XPO6: variants seen among roughly 807,000 people sequenced by gnomAD.
XPO6 encodes exportin-6.
XPO6 carries 3 observed loss-of-function variants against 130.0 expected under a neutral mutation model. The ratio of observed to expected loss-of-function variants is 0.02; its 90% CI spans 0.01 to 0.06. The LOEUF (loss-of-function observed/expected upper bound fraction) is 0.06. Ranked by LOEUF, XPO6 falls within the 10% of genes least tolerant of loss-of-function variation. The pLI is 1.00. For missense variants in XPO6, 970 were observed against 1,393.0 expected, an observed-to-expected ratio of 0.70 and a Z score of 4.83; for synonymous variants, 524 against 548.9, an observed-to-expected ratio of 0.95 and a Z score of 0.63.
At chr16:28,103,396 T>A (rs1007572555) in intron 21 of XPO6, among the ~76,000 whole-genome samples, 1 of 152,240 alleles carries the variant, frequency 6.6e-6, no homozygotes, top group Non-Finnish European at 1.5e-5. Flanking sequence ...AGCTGCTGGA[T>A]ACTCAAAGTG....
At chr16:28,169,698 T>G in intron 5 of XPO6, 52 bp downstream of exon 5, 2 of 1,600,172 alleles carry the variant, frequency 1.2e-6, no homozygotes, top group Non-Finnish European at 1.7e-6. Flanking sequence ...AGGCCTGAAC[T>G]CTGGGTGCCT....
intron 1 of XPO6, among the ~76,000 whole-genome samples, chr16:28,199,713 C>T (rs577885309): frequency 1.8e-4 from 27 of 152,120 alleles, no homozygotes; most frequent in African/African-American, 4.8e-4. Flanking sequence ...ATTACAGGCA[C>T]CCACCACCAC....
intron 14 of XPO6, among the ~76,000 whole-genome samples, chr16:28,119,522 G>C (rs928603941): frequency 6.6e-6 from 1 of 152,022 alleles, no homozygotes; most frequent in African/African-American, 2.4e-5. Context: ...TTAAGATCTG[G>C]ATCTGCAAAA....
In XPO6 at chr16:28,132,400, G is replaced by A. The variant is rs1325206675; in HGVS notation, c.1540C>T (p.Pro514Ser). The A allele has an allele frequency of 6.3e-7, 1 of 1,598,362 alleles. No individual in the cohort carries two copies. The change falls in exon 12 of 24, where the codon CCT becomes TCT. Residue 514 changes from proline to serine, a missense_variant. Around this residue, in one of 4 missense-constraint regions of XPO6, gnomAD observed 936 missense variants for 1,306.8 expected, o/e 0.72. Coordinates refer to ENST00000304658, the MANE Select transcript of XPO6 (RefSeq NM_015171.4). The surrounding 1 kb of genome is among the most constrained non-coding windows in gnomAD (Gnocchi z 4.0). ...ACTTCTAAATTGTCCTGAAGAACAGGGAACTGAAAACAAAGAAACAAAAAC... is the reference window on the plus strand; with the variant it reads ...ACTTCTAAATTGTCCTGAAGAACAGAGAACTGAAAACAAAGAAACAAAAAC... ...LPTHAFSTLFPVLQDNLEVYL... is the reference protein window; with the variant it reads ...LPTHAFSTLFSVLQDNLEVYL...
chr16:28,104,726 G>A lies in XPO6; in HGVS notation c.2785-19C>T, dbSNP rs757009793. On this transcript the variant is annotated intron_variant, in intron 20 of 23. Coordinates refer to ENST00000304658, the MANE Select transcript of XPO6 (RefSeq NM_015171.4). The stretch of plus-strand genomic sequence containing the variant: ...AGGGACGCTGCAAAGACACACAGAC[G>A]CTCAGACCTGCAGCTTGCGGAGCTG... The A allele has an allele frequency of 3.0e-5, 48 of 1,612,730 alleles. No homozygotes were observed. Among genetic ancestry groups the A allele is most frequent in the East Asian group, 2.2e-4 (10 of 44,874 alleles).
chr16:28,124,433 C>G (rs1340973986), intron 13 of XPO6, among the ~76,000 whole-genome samples: 2 of 152,118 alleles, frequency 1.3e-5, no homozygotes, highest in African/African-American at 4.8e-5. Flanking sequence ...GGATTTCAGA[C>G]AGAAAAACAT....
At chr16:28,135,551 CTGT>C (rs2042759247) in intron 9 of XPO6, among the ~76,000 whole-genome samples, 1 of 151,976 alleles carries the variant, frequency 6.6e-6, no homozygotes, top group African/African-American at 2.4e-5. Context: ...TCCTGACAGA[CTGT>C]TTATATAACA....
At chr16:28,127,356 A>G (rs997269887) in intron 12 of XPO6, among the ~76,000 whole-genome samples, 2 of 152,162 alleles carry the variant, frequency 1.3e-5, no homozygotes, top group Non-Finnish European at 2.9e-5. Flanking sequence ...ACCCGTGCCC[A>G]TAAGGAGATA....
At chr16:28,201,552 A>C (rs969134947) in intron 1 of XPO6, among the ~76,000 whole-genome samples, 1 of 152,118 alleles carries the variant, frequency 6.6e-6, no homozygotes, top group South Asian at 2.1e-4. Context: ...ACTGTCTGAC[A>C]CTCACTGTAA....
At chr16:28,130,328 G>A (rs913973474) in intron 12 of XPO6, among the ~76,000 whole-genome samples, 19 of 152,204 alleles carry the variant, frequency 1.2e-4, no homozygotes, top group Admixed American at 2.0e-4. Context: ...ACTAAAGGCT[G>A]GGCTAGAAAG....
At chr16:28,203,612 A>G (rs530760611) in intron 1 of XPO6, among the ~76,000 whole-genome samples, 145 of 152,298 alleles carry the variant, frequency 9.5e-4, no homozygotes, top group South Asian at 1.9e-3. Context: ...ATCAGTTTAC[A>G]TGTTATCGCT....
At chr16:28,102,473 C>T (rs2086673589) in intron 21 of XPO6, among the ~76,000 whole-genome samples, 1 of 152,346 alleles carries the variant, frequency 6.6e-6, no homozygotes, top group Middle Eastern at 3.4e-3. Flanking sequence ...CACAGAAGCT[C>T]AGTCCTGTAA....
chr16:28,151,704 T>C (rs1438297430), intron 8 of XPO6, among the ~76,000 whole-genome samples: 2 of 152,188 alleles, frequency 1.3e-5, no homozygotes, highest in Non-Finnish European at 2.9e-5. Context: ...CTTTTCTGTA[T>C]GTGTGTCATA....
Position 28,156,351 on chromosome 16 carries a change from T to C in XPO6, c.820A>G (p.Ile274Val), listed in dbSNP as rs1327332306. The C allele has an allele frequency of 6.2e-7, 1 of 1,613,766 alleles. No individual in the cohort carries two copies. The highest frequency in any genetic ancestry group is 1.3e-5 in the African/African-American group (1 of 74,872). ...ASITPSLLTT[I>V]FHFARFGCDI... is the part of the protein sequence containing the mutation. ...CAGCCAAATCGTGCAAAGTGGAAGATGGTGGTAAGGAGGGATGGGGTGATG... is the reference window on the plus strand; with the variant it reads ...CAGCCAAATCGTGCAAAGTGGAAGACGGTGGTAAGGAGGGATGGGGTGATG... The change falls in exon 7 of 24, where the codon ATC becomes GTC. Residue 274 changes from isoleucine (I) to valine (V), a missense_variant. Physicochemically the swap from Ile to Val is conservative, Grantham distance 29 (BLOSUM62 3). This residue lies in a region of XPO6 where 936 missense variants were observed against 1,306.8 expected (regional missense o/e 0.72). Coordinates refer to ENST00000304658, the MANE Select transcript of XPO6 (RefSeq NM_015171.4).
At chr16:28,178,844 G>GT (rs1182143289) in intron 2 of XPO6, among the ~76,000 whole-genome samples, 1 of 152,002 alleles carries the variant, frequency 6.6e-6, no homozygotes, top group Non-Finnish European at 1.5e-5. Flanking sequence ...CAAGGCGGGT[G>GT]TATCACGAGG....
rs1284756132 is a variant in XPO6, at chr16:28,132,178, C to T, written c.1606+156G>A. 6.6e-6 allele frequency among the ~76,000 whole-genome samples: 1 copy of T among 152,192 alleles called. No homozygotes were observed. The highest frequency in any genetic ancestry group is 1.5e-5 in the Non-Finnish European group (1 of 68,028). ...TCCCCCACAGCTTTTCATCATAAGC[C>T]TTTAAAAACGTTCCCTGTTTCGAAG... On this transcript the variant is annotated intron_variant, in intron 12 of 23. Coordinates refer to ENST00000304658, the MANE Select transcript of XPO6 (RefSeq NM_015171.4). The surrounding 1 kb of genome is among the most constrained non-coding windows in gnomAD (Gnocchi z 4.0).
intron 1 of XPO6, among the ~76,000 whole-genome samples, chr16:28,189,724 T>C (rs1282319689): frequency 6.6e-6 from 1 of 152,220 alleles, no homozygotes; most frequent in Non-Finnish European, 1.5e-5. Flanking sequence ...GAAAGGCTTC[T>C]TGTTTTCTTG....
intron 7 of XPO6, chr16:28,154,255 TAAAAAAAAAAA>T (rs11284457): frequency 3.4e-5 from 28 of 811,900 alleles, no homozygotes; most frequent in African/African-American, 3.2e-4. Flanking sequence ...ACTACCCATT[TAAAAAAAAAAA>T]AAAAAAAAAA....
At chr16:28,193,695 T>C (rs1567647933) in intron 1 of XPO6, among the ~76,000 whole-genome samples, 1 of 152,106 alleles carries the variant, frequency 6.6e-6, no homozygotes, top group Non-Finnish European at 1.5e-5. Context: ...GCCAATAACC[T>C]TGGCCTTGCT....
Sources: allele counts gnomAD v4.1 joint callset (sites outside exome capture counted in the v4.1 genomes callset), GRCh38; gene constraint gnomAD v4.1.1; regional missense constraint gnomAD v4.1.1; non-coding constraint Gnocchi (gnomAD v3.1); transcripts MANE v1.5; gene names NCBI Gene and HGNC (gene_info 2026-07-23, HGNC 2026-07-21).